BBS4: variants seen among roughly 807,000 people sequenced by gnomAD.
The protein encoded by BBS4 is Bardet-Biedl syndrome 4.
In BBS4, 58 loss-of-function variants were observed where a neutral mutation model predicts 71.4. The observed-to-expected ratio is 0.81, with a 90% confidence interval of 0.66 to 1.01. The LOEUF (loss-of-function observed/expected upper bound fraction) is 1.01, where lower values mean the gene tolerates loss of function less well. Ranked by LOEUF, BBS4 falls within the 50% of genes least tolerant of loss-of-function variation. The pLI, the probability that BBS4 is intolerant of heterozygous loss-of-function variation, is 0.00. For synonymous variants in BBS4, 228 were observed against 216.8 expected, an observed-to-expected ratio of 1.05 and a Z score of -0.46; for missense variants, 660 against 607.9, an observed-to-expected ratio of 1.09 and a Z score of -0.90.
chr15:72,726,357 T>C (rs1305905460), intron 8 of BBS4, among the ~76,000 whole-genome samples: 4 of 152,092 alleles, frequency 2.6e-5, no homozygotes, highest in East Asian at 3.9e-4. Flanking sequence ...AGTGATCTGC[T>C]TGCCTTGGTC....
intron 1 of BBS4, among the ~76,000 whole-genome samples, chr15:72,689,341 G>A (rs12903320): frequency 0.96 from 146,506 of 152,342 alleles, 70,730 homozygotes; most frequent in East Asian, 1. Flanking sequence ...AGAAATTCTA[G>A]TATGCTACCA....
intron 7 of BBS4, among the ~76,000 whole-genome samples, chr15:72,723,303 A>G (rs973693025): frequency 9.2e-5 from 14 of 152,184 alleles, no homozygotes; most frequent in Admixed American, 7.9e-4. Context: ...TTTTAATTTT[A>G]TAGTTATTTT....
chr15:72,702,975 T>A (rs932914326), intron 2 of BBS4, among the ~76,000 whole-genome samples: 1 of 117,202 alleles, frequency 8.5e-6, no homozygotes, highest in African/African-American at 2.9e-5. Context: ...GCCCGGCTAA[T>A]TTTTTTTGTA....
Position 72,686,254 on chromosome 15 carries a change from G to T in BBS4, c.24+3G>T. 2 of 1,565,216 alleles carry T rather than the reference G, an allele frequency of 1.3e-6. No individual in the cohort carries two copies. Among genetic ancestry groups the T allele is most frequent in the Non-Finnish European group, 8.7e-7 (1 of 1,155,696 alleles). On this transcript the variant is annotated splice_donor_region_variant and intron_variant, in intron 1 of 15. Coordinates refer to ENST00000268057, the MANE Select transcript of BBS4 (RefSeq NM_033028.5). ...TGGCTGAGGAGAGAGTCGCGACGGT[G>T]AGCGCCGAGATTCTCTTTAGTTGCC...
At position 72,731,484 on chromosome 15, in the gene BBS4, T is replaced by C. The variant is rs764610536; in HGVS notation, c.864+27T>C. 2.7e-5 allele frequency: 43 copies of C among 1,614,130 alleles called. No individual in the cohort carries two copies. In the East Asian group the frequency reaches 9.6e-4, roughly 36 times the overall value. On this transcript the variant is annotated intron_variant, in intron 11 of 15. Transcript: ENST00000268057. ...TGAGTGTCCCCTCATGTTCTTTGTT[T>C]GTATTTCTACATGTGGTTATTGGGT...
intron 6 of BBS4, among the ~76,000 whole-genome samples, chr15:72,720,456 C>T (rs2151029529): frequency 7.0e-6 from 1 of 143,524 alleles, no homozygotes; most frequent in South Asian, 2.2e-4. Context: ...CACTGCACTT[C>T]AGCATGGAAA....
At chr15:72,715,921 A>ACT (rs1250053108) in intron 5 of BBS4, among the ~76,000 whole-genome samples, 1 of 152,190 alleles carries the variant, frequency 6.6e-6, no homozygotes, top group Non-Finnish European at 1.5e-5. Context: ...GTATTCAGTA[A>ACT]ATTACATGAG....
intron 7 of BBS4, among the ~76,000 whole-genome samples, chr15:72,723,723 T>A (rs545181596): frequency 5.2e-4 from 79 of 152,274 alleles, no homozygotes; most frequent in African/African-American, 1.9e-3. Flanking sequence ...ATAAAATACA[T>A]TTAGTGGGCC....
intron 8 of BBS4, among the ~76,000 whole-genome samples, chr15:72,725,672 A>ATTTTCCCTTCCCCTTCCCCG (rs2065659161): frequency 1.4e-5 from 1 of 69,774 alleles, no homozygotes; most frequent in African/African-American, 5.8e-5. Flanking sequence ...CCCCTTCCCC[A>ATTTTCCCTTCCCCTTCCCCG]TTTTCCCTTC....
intron 1 of BBS4, among the ~76,000 whole-genome samples, chr15:72,687,036 T>A: frequency 6.6e-6 from 1 of 152,102 alleles, no homozygotes. Context: ...TTAGTGTTAT[T>A]GTTAGAGGGC....
intron 1 of BBS4, among the ~76,000 whole-genome samples, chr15:72,694,425 A>G (rs1273262683): frequency 6.6e-6 from 1 of 152,092 alleles, no homozygotes; most frequent in Non-Finnish European, 1.5e-5. Flanking sequence ...TCCTGACCTC[A>G]AGTGATCCTC....
intron 3 of BBS4, among the ~76,000 whole-genome samples, chr15:72,711,845 C>T (rs186667212): frequency 1.1e-4 from 16 of 151,682 alleles, no homozygotes; most frequent in Non-Finnish European, 2.4e-4. Flanking sequence ...GATTCTTGTC[C>T]ACGTCTGCTT....
intron 12 of BBS4, among the ~76,000 whole-genome samples, chr15:72,734,487 A>G (rs2151052399): frequency 6.6e-6 from 1 of 152,330 alleles, no homozygotes; most frequent in African/African-American, 2.4e-5. Context: ...CTGGGGTCAG[A>G]TTATGGAGGT....
intron 15 of BBS4, chr15:72,737,212 AAT>A (rs1305757753): frequency 9.8e-6 from 6 of 613,592 alleles, no homozygotes; most frequent in African/African-American, 7.4e-5. Context: ...CAATTTTAGC[AAT>A]ATGTTATTAA....
intron 1 of BBS4, among the ~76,000 whole-genome samples, chr15:72,688,000 G>T (rs186258095): frequency 8.8e-4 from 95 of 108,506 alleles, no homozygotes; most frequent in Non-Finnish European, 9.0e-4. Context: ...ACATAGGAAA[G>T]AAAATACTTC....
intron 12 of BBS4, among the ~76,000 whole-genome samples, chr15:72,732,646 G>C (rs1470523916): frequency 6.6e-6 from 1 of 152,044 alleles, no homozygotes; most frequent in African/African-American, 2.4e-5. Context: ...AAAAAACATA[G>C]GTTTTATTAT....
chr15:72,727,791 G>T, intron 8 of BBS4, 149 bp from the exon 9 acceptor site: 1 of 682,502 alleles, frequency 1.5e-6, no homozygotes, highest in Non-Finnish European at 2.7e-6. Context: ...ACTTTTGATG[G>T]CAATTCCCAA....
intron 5 of BBS4, among the ~76,000 whole-genome samples, chr15:72,716,090 G>A (rs1037881171): frequency 2.0e-5 from 3 of 152,208 alleles, no homozygotes; most frequent in Non-Finnish European, 2.9e-5. Flanking sequence ...GTCTGGTAGA[G>A]TAGATGTATT....
chr15:72,737,675 T>C lies in BBS4; in HGVS notation c.*88T>C, dbSNP rs2065954009. The C allele has an allele frequency of 9.5e-7, 1 of 1,051,770 alleles. No homozygotes were observed. Among genetic ancestry groups the C allele is most frequent in the East Asian group, 2.6e-5 (1 of 37,872 alleles). The allele number at this position is 1,051,770 out of a possible 1,614,324, so 65.2% of individuals were successfully genotyped here. On this transcript the variant is annotated 3_prime_UTR_variant, in exon 16 of 16. Transcript: ENST00000268057. ...GTGACATGACACAGGCAGAGCAGAGTGGCACCCACCACAGAATACAGTGTG... is the reference window on the plus strand; with the variant it reads ...GTGACATGACACAGGCAGAGCAGAGCGGCACCCACCACAGAATACAGTGTG...
Sources: allele counts gnomAD v4.1 joint callset (sites outside exome capture counted in the v4.1 genomes callset), GRCh38; gene constraint gnomAD v4.1.1; transcripts MANE v1.5; gene names NCBI Gene and HGNC (gene_info 2026-07-23, HGNC 2026-07-21).